Variants in CCNY observed in about 807,000 individuals in gnomAD.
CCNY encodes the protein cyclin-Y.
In CCNY, 19 loss-of-function variants were observed where a neutral mutation model predicts 42.8. The ratio of observed to expected loss-of-function variants is 0.44; its 90% CI spans 0.31 to 0.65. The LOEUF is 0.65. CCNY is among the 30% of genes least tolerant of loss of function. The pLI is 0.07. For missense variants in CCNY, 370 were observed against 437.3 expected (o/e 0.85, Z 1.37); for synonymous variants, 165 against 162.7 (o/e 1.01, Z -0.11).
chr10:35,253,877 T>G (rs1023880982), intron 3 of CCNY, among the ~76,000 whole-genome samples: 1 of 61,104 alleles, frequency 1.6e-5, no homozygotes, highest in African/African-American at 8.7e-5. Context: ...AGCAACTGTT[T>G]TTTTTTTTTT....
intron 3 of CCNY, among the ~76,000 whole-genome samples, chr10:35,275,046 A>G (rs1442705014): frequency 1.8e-5 from 2 of 112,446 alleles, no homozygotes; most frequent in African/African-American, 3.5e-5. Context: ...TTTTTGATTC[A>G]CCGTCATTCC....
intron 3 of CCNY, among the ~76,000 whole-genome samples, chr10:35,301,862 G>T (rs560671930): frequency 7.9e-5 from 12 of 152,006 alleles, no homozygotes; most frequent in Non-Finnish European, 1.0e-4. Context: ...CAAACTCCTG[G>T]GCTCAAGCGA....
chr10:35,376,111 A>T (rs1413050751), intron 1 of CCNY, among the ~76,000 whole-genome samples: 1 of 152,144 alleles, frequency 6.6e-6, no homozygotes, highest in Non-Finnish European at 1.5e-5. Flanking sequence ...ACGGAAGGAG[A>T]CTTTTATCTC....
At chr10:35,537,163 C>T (rs1020019006) in intron 7 of CCNY, among the ~76,000 whole-genome samples, 5 of 152,322 alleles carry the variant, frequency 3.3e-5, no homozygotes, top group African/African-American at 1.2e-4. Context: ...GGTGGAAGCC[C>T]CAAGCCTTGG....
intron 1 of CCNY, among the ~76,000 whole-genome samples, chr10:35,468,271 C>T (rs1355130080): frequency 1.3e-5 from 2 of 152,176 alleles, no homozygotes; most frequent in African/African-American, 4.8e-5. Context: ...AGGGCTCTGC[C>T]CTCATGACCC....
upstream of CCNY, among the ~76,000 whole-genome samples, chr10:35,335,573 A>C (rs1051374928): frequency 2.0e-5 from 3 of 152,098 alleles, no homozygotes; most frequent in Non-Finnish European, 2.9e-5. Context: ...GAAAAAAAAA[A>C]TAGCCAGGTG....
intron 3 of CCNY, among the ~76,000 whole-genome samples, chr10:35,509,792 G>T (rs1840288769): frequency 6.6e-6 from 1 of 152,160 alleles, no homozygotes; most frequent in African/African-American, 2.4e-5. Context: ...CAGTGCTCTG[G>T]GTTTCACAGG....
chr10:35,310,436 G>C (rs551185681), intron 3 of CCNY, among the ~76,000 whole-genome samples: 83 of 152,270 alleles, frequency 5.5e-4, no homozygotes, highest in African/African-American at 1.9e-3. Context: ...CTAGCAGTGG[G>C]CTTGCTAGAT....
intron 2 of CCNY, among the ~76,000 whole-genome samples, chr10:35,490,363 T>G (rs957306115): frequency 6.6e-6 from 1 of 152,270 alleles, no homozygotes; most frequent in Non-Finnish European, 1.5e-5. Flanking sequence ...CAGTCTTACC[T>G]TCTGTGAGAA....
intron 9 of CCNY, among the ~76,000 whole-genome samples, chr10:35,566,866 CA>C (rs893968917): frequency 1.3e-5 from 2 of 151,604 alleles, no homozygotes; most frequent in African/African-American, 4.8e-5. Context: ...CCACCACGCC[CA>C]GCTAATTTTT....
At chr10:35,305,667 C>G (rs2135079221) in intron 3 of CCNY, among the ~76,000 whole-genome samples, 1 of 152,302 alleles carries the variant, frequency 6.6e-6, no homozygotes, top group East Asian at 1.9e-4. Context: ...CAAGAAAGAA[C>G]AGTTCTAATA....
intron 1 of CCNY, among the ~76,000 whole-genome samples, chr10:35,391,926 C>T (rs933174974): frequency 1.3e-5 from 2 of 152,190 alleles, no homozygotes; most frequent in African/African-American, 4.8e-5. Context: ...CCTCACTTCT[C>T]CCATGACTGT....
intron 3 of CCNY, among the ~76,000 whole-genome samples, chr10:35,325,862 T>C (rs1488449900): frequency 1.3e-5 from 2 of 152,074 alleles, no homozygotes; most frequent in Non-Finnish European, 2.9e-5. Flanking sequence ...GAGGATCTCT[T>C]GTGGTCAGAA....
chr10:35,413,525 A>G (rs552152340), intron 1 of CCNY, among the ~76,000 whole-genome samples: 45 of 152,356 alleles, frequency 3.0e-4, no homozygotes, highest in African/African-American at 1.0e-3. Context: ...CTTTATCATT[A>G]GAATGGGTGA....
chr10:35,535,862 A>G (rs570363197), intron 7 of CCNY, among the ~76,000 whole-genome samples: 1 of 152,304 alleles, frequency 6.6e-6, no homozygotes, highest in South Asian at 2.1e-4. Flanking sequence ...CTCACATTTT[A>G]GTATCTGCAG....
rs373953848 is a variant in CCNY, at chr10:35,530,170, A to C, written c.506A>C (p.Lys169Thr). ...PDYDKHNPEQKQIYRFVRTLF... is the reference protein window; with the variant it reads ...PDYDKHNPEQTQIYRFVRTLF... ...TATGACAAACACAACCCAGAGCAGA[A>C]GCAGATTTACCGGTTCGTTCGGACA... The change falls in exon 7 of 10, where the codon AAG becomes ACG. Residue 169 changes from lysine (K) to threonine (T), a missense_variant. This residue lies in a region of CCNY where 234 missense variants were observed against 313.1 expected (regional missense o/e 0.75). Transcript: ENST00000374704. The surrounding 1 kb of genome is among the most constrained non-coding windows in gnomAD (Gnocchi z 4.3). 6.2e-7 allele frequency: 1 copy of C among 1,614,126 alleles called. No individual in the cohort carries two copies. Among genetic ancestry groups the C allele is most frequent in the Non-Finnish European group, 8.5e-7 (1 of 1,180,048 alleles).
chr10:35,307,715 TACAC>T (rs1229366695), intron 3 of CCNY, among the ~76,000 whole-genome samples: 2 of 150,596 alleles, frequency 1.3e-5, no homozygotes, highest in Non-Finnish European at 2.9e-5. Context: ...TGTATATATA[TACAC>T]ACACACATAT....
At chr10:35,251,711 C>CGAGTAG (rs2095712197) in intron 3 of CCNY, among the ~76,000 whole-genome samples, 2 of 151,918 alleles carry the variant, frequency 1.3e-5, no homozygotes, top group African/African-American at 4.8e-5. Flanking sequence ...ACCTCAACCT[C>CGAGTAG]TCGAGTAGCT....
At chr10:35,433,376 C>T (rs1838456068) in intron 1 of CCNY, among the ~76,000 whole-genome samples, 1 of 151,864 alleles carries the variant, frequency 6.6e-6, no homozygotes, top group Admixed American at 6.6e-5. Flanking sequence ...CTAATAAAAC[C>T]TCTATTTTGG....
Sources: gnomAD v4.1 joint callset for allele counts (sites outside exome capture counted in the v4.1 genomes callset) on GRCh38, gnomAD v4.1.1 for gene constraint, gnomAD v4.1.1 regional missense constraint, Gnocchi (gnomAD v3.1) non-coding constraint, MANE v1.5 for transcripts, NCBI Gene and HGNC (gene_info 2026-07-23, HGNC 2026-07-21) for gene names.